Variants in EYS observed in about 807,000 individuals in gnomAD.
EYS encodes protein eyes shut homolog.
Under a neutral mutation model 282.1 loss-of-function variants are expected in EYS, and 250 were observed. The observed-to-expected ratio is 0.89, with a 90% CI of 0.80 to 0.98. The LOEUF (loss-of-function observed/expected upper bound fraction) is 0.98. EYS is among the 50% of genes least tolerant of loss of function. The pLI, the probability that EYS is intolerant of heterozygous loss-of-function variation, is 0.00. For synonymous variants in EYS, 1,355 were observed against 1,282.9 expected, an observed-to-expected ratio of 1.06 and a Z score of -1.20; for missense variants, 4,016 against 3,709.0, an observed-to-expected ratio of 1.08 and a Z score of -2.15.
At chr6:64,055,747 C>T (rs1770962603) in intron 33 of EYS, among the ~76,000 whole-genome samples, 1 of 152,144 alleles carries the variant, frequency 6.6e-6, no homozygotes, top group South Asian at 2.1e-4. Context: ...GTCACTGTTT[C>T]TTTGGGTCAC....
intron 12 of EYS, among the ~76,000 whole-genome samples, chr6:65,159,393 C>T (rs1204120782): frequency 6.6e-6 from 1 of 150,720 alleles, no homozygotes; most frequent in East Asian, 2.0e-4. Context: ...CGTTTTATCT[C>T]CTTTGTGTTT....
At chr6:65,677,024 A>G (rs1768630154) in intron 1 of EYS, among the ~76,000 whole-genome samples, 1 of 151,470 alleles carries the variant, frequency 6.6e-6, no homozygotes, top group Non-Finnish European at 1.5e-5. Context: ...AAAAAATTAA[A>G]AAAACTAGAA....
chr6:63,727,737 A>AAATATATATATATAT (rs1554164607), intron 41 of EYS, among the ~76,000 whole-genome samples: 24 of 36,714 alleles, frequency 6.5e-4, no homozygotes, highest in Non-Finnish European at 8.9e-4. Flanking sequence ...AAAAAAAAAA[A>AAATATATATATATAT]ATATATATAT....
At chr6:65,331,901 C>A in intron 11 of EYS, 1 of 204,678 alleles carries the variant, frequency 4.9e-6, no homozygotes, top group Non-Finnish European at 8.6e-6. Flanking sequence ...ATCCATTCAT[C>A]AGTTGATGGT....
At chr6:64,901,018 A>G (rs1219465848) in intron 18 of EYS, among the ~76,000 whole-genome samples, 5 of 150,482 alleles carry the variant, frequency 3.3e-5, no homozygotes, top group South Asian at 2.1e-4. Context: ...TATACTGGAA[A>G]AAAAAAATGT....
intron 12 of EYS, among the ~76,000 whole-genome samples, chr6:65,244,817 T>C (rs1582058078): frequency 1.3e-5 from 2 of 151,980 alleles, no homozygotes; most frequent in African/African-American, 2.4e-5. Context: ...CCACCGCGCC[T>C]GGCCCGAACT....
chr6:64,766,643 AAAAAAAATATATATAT>A (rs796726400), intron 22 of EYS, among the ~76,000 whole-genome samples: 3,223 of 9,870 alleles, frequency 0.33, 137 homozygotes, highest in Non-Finnish European at 0.42. Context: ...AAAAAAAAAA[AAAAAAAATATATATAT>A]ATATATATAT....
intron 31 of EYS, among the ~76,000 whole-genome samples, chr6:64,086,083 G>T (rs535259888): frequency 1.3e-5 from 2 of 152,100 alleles, no homozygotes; most frequent in Non-Finnish European, 2.9e-5. Context: ...AGTTTCCAAG[G>T]CTCTGTCCTC....
intron 14 of EYS, 64 bp from the exon 15 acceptor site, chr6:64,945,978 A>G: frequency 7.9e-7 from 1 of 1,262,740 alleles, no homozygotes; most frequent in Non-Finnish European, 1.1e-6. Flanking sequence ...TAATACAGAT[A>G]TTACTCCTGG....
At chr6:63,991,615 T>C (rs768675612) in intron 34 of EYS, among the ~76,000 whole-genome samples, 14 of 150,670 alleles carry the variant, frequency 9.3e-5, no homozygotes, top group Non-Finnish European at 1.8e-4. Flanking sequence ...GAAGAAAGAA[T>C]CATAAAATTC....
chr6:63,864,771 C>T (rs989662747), intron 35 of EYS, among the ~76,000 whole-genome samples: 1 of 152,150 alleles, frequency 6.6e-6, no homozygotes, highest in African/African-American at 2.4e-5. Flanking sequence ...TGATAAGCTT[C>T]CCCACTCTGA....
intron 2 of EYS, among the ~76,000 whole-genome samples, chr6:65,627,660 C>T (rs945880516): frequency 6.6e-6 from 1 of 152,176 alleles, no homozygotes; most frequent in Non-Finnish European, 1.5e-5. Flanking sequence ...CCTGCTGGCA[C>T]CAGGCAATGA....
chr6:65,255,714 T>C (rs1289940604), intron 12 of EYS, among the ~76,000 whole-genome samples: 2 of 152,072 alleles, frequency 1.3e-5, no homozygotes, highest in African/African-American at 2.4e-5. Context: ...CAGACATTTC[T>C]AAAAACAAGA....
At position 64,591,489 on chromosome 6, in the gene EYS, C is replaced by A. The variant is rs1046299783; in HGVS notation, c.4378G>T (p.Val1460Phe). Residue 1460 changes from valine (V) to phenylalanine (F), a missense_variant, in exon 26 of 43, where the codon GTT (valine) becomes TTT (phenylalanine). Val to Phe is a conservative substitution (Grantham distance 50). Transcript: ENST00000503581. ...TCCTCTTGAGCCCCCCTAGAGACAACTGGAGTTGCACTTATGGAGGCAGCT... is the reference window on the plus strand; with the variant it reads ...TCCTCTTGAGCCCCCCTAGAGACAAATGGAGTTGCACTTATGGAGGCAGCT... The part of the protein sequence containing the change: ...LIAASISATP[V>F]VSRGAQEDIE... 1 of 1,551,216 alleles carries A rather than the reference C, an allele frequency of 6.4e-7. No individual in the cohort carries two copies. Among genetic ancestry groups the A allele is most frequent in the Non-Finnish European group, 8.7e-7 (1 of 1,146,780 alleles).
At chr6:64,190,057 C>A (rs1032925390) in intron 31 of EYS, among the ~76,000 whole-genome samples, 6 of 152,120 alleles carry the variant, frequency 3.9e-5, no homozygotes, top group African/African-American at 1.4e-4. Context: ...ATAGCATCAA[C>A]AAGATAAACT....
At chr6:65,073,547 A>T (rs1438727555) in intron 12 of EYS, among the ~76,000 whole-genome samples, 5 of 151,870 alleles carry the variant, frequency 3.3e-5, no homozygotes, top group Non-Finnish European at 7.4e-5. Flanking sequence ...TATAATGCCT[A>T]CAGGCTCAGA....
intron 22 of EYS, among the ~76,000 whole-genome samples, chr6:64,629,896 C>G (rs1377551159): frequency 6.6e-6 from 1 of 151,948 alleles, no homozygotes; most frequent in African/African-American, 2.4e-5. Context: ...ATTTCTTTTC[C>G]CTGTCTTATT....
chr6:64,298,761 T>C (rs894891705), intron 30 of EYS, among the ~76,000 whole-genome samples: 2 of 152,090 alleles, frequency 1.3e-5, no homozygotes, highest in Non-Finnish European at 2.9e-5. Context: ...TTTTTTCAAC[T>C]ATATCCTCTC....
At chr6:64,160,275 T>A (rs1326295297) in intron 31 of EYS, among the ~76,000 whole-genome samples, 1 of 152,238 alleles carries the variant, frequency 6.6e-6, no homozygotes, top group Admixed American at 6.5e-5. Context: ...TAGATTACAG[T>A]AGCACATATG....
Sources: gnomAD v4.1 joint callset for allele counts (sites outside exome capture counted in the v4.1 genomes callset) on GRCh38, gnomAD v4.1.1 for gene constraint, MANE v1.5 for transcripts, NCBI Gene and HGNC (gene_info 2026-07-23, HGNC 2026-07-21) for gene names.